ARHGEF26: variants seen among roughly 807,000 people sequenced by gnomAD.
ARHGEF26 encodes the protein Rho guanine nucleotide exchange factor 26.
ARHGEF26 carries 59 observed loss-of-function variants against 89.4 expected under a neutral mutation model. That is an observed-to-expected ratio of 0.66 (90% CI 0.54 to 0.82). The LOEUF is 0.82. Ranked by LOEUF, ARHGEF26 falls within the 40% of genes least tolerant of loss-of-function variation. ARHGEF26 has a pLI of 0.00. For synonymous variants in ARHGEF26, 500 were observed against 428.4 expected, an observed-to-expected ratio of 1.17 and a Z score of -2.06; for missense variants, 1,234 against 1,085.6, an observed-to-expected ratio of 1.14 and a Z score of -1.92.
chr3:154,170,795 TTTAG>T (rs1385221802), intron 6 of ARHGEF26, among the ~76,000 whole-genome samples: 1 of 152,168 alleles, frequency 6.6e-6, no homozygotes, highest in East Asian at 1.9e-4. Context: ...CCAGGATAAT[TTTAG>T]TTGTGATTAG....
chr3:154,254,837 G>C lies in ARHGEF26; in HGVS notation c.2473+13G>C, dbSNP rs764581117. The C allele has an allele frequency of 6.2e-7, 1 of 1,609,094 alleles. No homozygotes were observed. The highest frequency in any genetic ancestry group is 1.7e-5 in the Admixed American group (1 of 59,972). ...CGTGTCAGCGATGGTGAGTGGGAGC[G>C]TTCTTATGGGACACTCGTGGTCCAG... On this transcript the variant is annotated intron_variant, in intron 14 of 14. Transcript: ENST00000465093.
intron 10 of ARHGEF26, among the ~76,000 whole-genome samples, chr3:154,223,266 C>G (rs1171889257): frequency 6.6e-6 from 1 of 152,114 alleles, no homozygotes; most frequent in Non-Finnish European, 1.5e-5. Context: ...CAAGAAAAAT[C>G]TTTGTGCTGT....
chr3:154,215,819 A>G (rs1055559508), intron 9 of ARHGEF26, among the ~76,000 whole-genome samples: 6 of 152,144 alleles, frequency 3.9e-5, no homozygotes, highest in African/African-American at 1.2e-4. Flanking sequence ...ATAACCTCCC[A>G]ATATTATCAC....
At chr3:154,138,696 C>G (rs566656601) in intron 4 of ARHGEF26, among the ~76,000 whole-genome samples, 3 of 152,274 alleles carry the variant, frequency 2.0e-5, no homozygotes, top group African/African-American at 7.2e-5. Context: ...GTTTCAACTA[C>G]AAACCTACAA....
chr3:154,254,770 G>A lies in ARHGEF26; in HGVS notation c.2419G>A (p.Glu807Lys). The A allele has an allele frequency of 1.9e-6, 3 of 1,613,864 alleles. No individual in the cohort carries two copies. The highest frequency in any genetic ancestry group is 2.5e-6 in the Non-Finnish European group (3 of 1,179,840). ...VRSFTAKQPD[E>K]LSLQVADVVL... Reference sequence around the variant, plus strand: ...GTCATTTACTGCTAAGCAGCCAGATGAACTCTCCCTGCAGGTGGCTGACGT... The same window carrying A: ...GTCATTTACTGCTAAGCAGCCAGATAAACTCTCCCTGCAGGTGGCTGACGT... The change falls in exon 14 of 15, where the codon GAA becomes AAA. Residue 807 changes from glutamate (E) to lysine (K), a missense_variant. By Grantham distance (56) the Glu-to-Lys change is moderately conservative. Transcript: ENST00000465093.
At chr3:154,165,760 T>G (rs557993989) in intron 6 of ARHGEF26, among the ~76,000 whole-genome samples, 1 of 152,318 alleles carries the variant, frequency 6.6e-6, no homozygotes, top group Admixed American at 6.5e-5. Context: ...TCGGAATAAC[T>G]AAATAATCTA....
At chr3:154,143,760 A>G (rs1719525199) in intron 4 of ARHGEF26, among the ~76,000 whole-genome samples, 1 of 152,178 alleles carries the variant, frequency 6.6e-6, no homozygotes, top group South Asian at 2.1e-4. Flanking sequence ...AAAAATTGTT[A>G]GTCTTCGGTT....
chr3:154,205,447 T>G (rs985279126), intron 9 of ARHGEF26, among the ~76,000 whole-genome samples: 1 of 152,156 alleles, frequency 6.6e-6, no homozygotes, highest in Admixed American at 6.6e-5. Context: ...ATCAGTCTTG[T>G]TTTTTCATCC....
intron 6 of ARHGEF26, among the ~76,000 whole-genome samples, chr3:154,187,331 A>G (rs899476340): frequency 2.6e-5 from 4 of 151,908 alleles, no homozygotes; most frequent in African/African-American, 9.7e-5. Context: ...AAGTACCTGA[A>G]GGCAGAGCAG....
Position 154,189,827 on chromosome 3 carries a change from G to GT in ARHGEF26, c.1641-1457dup, listed in dbSNP as rs1286310894. Among the ~76,000 whole-genome samples, 1,140 of 144,910 alleles carry GT rather than the reference G, an allele frequency of 7.9e-3. 13 individuals carry two copies. The highest frequency in any genetic ancestry group is 0.028 in the African/African-American group (1,086 of 38,842). On this transcript the variant is annotated intron_variant, in intron 7 of 14. Coordinates refer to ENST00000465093, the MANE Select transcript of ARHGEF26 (RefSeq NM_015595.4). Reference sequence around the variant, plus strand: ...ATTTAAATATACAACTAATTTAGAGGTTTTTGTTTTTTTTTTTTAACTTTC... The same window carrying GT: ...ATTTAAATATACAACTAATTTAGAGGTTTTTTGTTTTTTTTTTTTAACTTTC...
At chr3:154,241,797 G>GCT (rs1469033287) in intron 12 of ARHGEF26, among the ~76,000 whole-genome samples, 5 of 152,226 alleles carry the variant, frequency 3.3e-5, no homozygotes, top group Non-Finnish European at 7.3e-5. Flanking sequence ...TCTTGCTGAA[G>GCT]ACAGGCCAGG....
chr3:154,194,789 T>G, intron 9 of ARHGEF26, 71 bp downstream of exon 9: 8 of 1,323,372 alleles, frequency 6.0e-6, no homozygotes, highest in South Asian at 1.3e-5. Context: ...AAGTGTGTCT[T>G]GGCTTGATGC....
At position 154,122,339 on chromosome 3, in the gene ARHGEF26, T is replaced by G; in HGVS notation, c.347T>G (p.Leu116Arg). 1 of 1,612,540 alleles carries G rather than the reference T, an allele frequency of 6.2e-7. No homozygotes were observed. Among genetic ancestry groups the G allele is most frequent in the Non-Finnish European group, 8.5e-7 (1 of 1,179,742 alleles). The part of the protein sequence containing the change: ...PRLRRPKSPK[L>R]PKAVPGGSPK... ...CTTCGACGGCCCAAGTCACCCAAGCTCCCCAAAGCGGTGCCTGGCGGCTCC... is the reference window on the plus strand; with the variant it reads ...CTTCGACGGCCCAAGTCACCCAAGCGCCCCAAAGCGGTGCCTGGCGGCTCC... The change falls in exon 2 of 15, where the codon CTC becomes CGC. Residue 116 changes from leucine (L) to arginine (R), a missense_variant. Physicochemically the swap from Leu to Arg is moderately radical, Grantham distance 102. Transcript: ENST00000465093.
intron 9 of ARHGEF26, among the ~76,000 whole-genome samples, chr3:154,198,301 A>G (rs1159145117): frequency 2.0e-5 from 3 of 152,140 alleles, no homozygotes; most frequent in Admixed American, 6.6e-5. Flanking sequence ...AGTACAACCA[A>G]TATGGAAAAC....
rs1265346152 is a variant in ARHGEF26, at chr3:154,122,289, G to T, written c.297G>T (p.Pro99=). 1 of 1,612,592 alleles carries T rather than the reference G, an allele frequency of 6.2e-7. No individual in the cohort carries two copies. The highest frequency in any genetic ancestry group is 8.5e-7 in the Non-Finnish European group (1 of 1,179,784). Residue 99 remains proline, a synonymous_variant, in exon 2 of 15, where the codon CCG becomes CCT. Coordinates refer to ENST00000465093, the MANE Select transcript of ARHGEF26 (RefSeq NM_015595.4). The part of the protein sequence containing the change: ...RAVANGGTAS[P]EYRAASPRLR... The stretch of plus-strand genomic sequence containing the variant: ...TGGCCAATGGTGGGACGGCATCCCC[G>T]GAGTACAGGGCTGCCTCTCCTCGAC...
At chr3:154,126,870 G>A (rs552430624) in intron 3 of ARHGEF26, among the ~76,000 whole-genome samples, 6 of 152,278 alleles carry the variant, frequency 3.9e-5, no homozygotes, top group South Asian at 4.1e-4. Flanking sequence ...ATCACAGAGC[G>A]TACTTAAACA....
At chr3:154,174,187 C>T (rs1415716566) in intron 6 of ARHGEF26, among the ~76,000 whole-genome samples, 4 of 152,182 alleles carry the variant, frequency 2.6e-5, no homozygotes. Flanking sequence ...ATAAACTGGG[C>T]TGTGAGTACA....
intron 10 of ARHGEF26, among the ~76,000 whole-genome samples, chr3:154,221,575 ATATC>A (rs1226390333): frequency 6.6e-6 from 1 of 152,258 alleles, no homozygotes; most frequent in African/African-American, 2.4e-5. Context: ...AAACATCTAA[ATATC>A]TATCAAAGAG....
At chr3:154,188,530 GTATT>G (rs1406384986) in intron 7 of ARHGEF26, among the ~76,000 whole-genome samples, 6 of 152,196 alleles carry the variant, frequency 3.9e-5, no homozygotes, top group Non-Finnish European at 8.8e-5. Flanking sequence ...ATGCCTATAT[GTATT>G]TTAAAGAGTC....
Sources: gnomAD v4.1 joint callset for allele counts (sites outside exome capture counted in the v4.1 genomes callset) on GRCh38, gnomAD v4.1.1 for gene constraint, MANE v1.5 for transcripts, NCBI Gene and HGNC (gene_info 2026-07-23, HGNC 2026-07-21) for gene names.